PTPRO: variants seen among roughly 807,000 people sequenced by gnomAD.
PTPRO encodes receptor-type tyrosine-protein phosphatase O.
Under a neutral mutation model 145.2 loss-of-function variants are expected in PTPRO, and 62 were observed. The observed-to-expected ratio is 0.43, with a 90% CI of 0.35 to 0.53. The LOEUF (loss-of-function observed/expected upper bound fraction) is 0.53. PTPRO is among the 20% of genes least tolerant of loss of function. PTPRO has a pLI of 0.01. For synonymous variants in PTPRO, 565 were observed against 514.7 expected, an observed-to-expected ratio of 1.10 and a Z score of -1.32; for missense variants, 1,345 against 1,482.7, an observed-to-expected ratio of 0.91 and a Z score of 1.53.
chr12:15,558,641 A>G (rs1414870622), intron 16 of PTPRO, among the ~76,000 whole-genome samples: 1 of 152,220 alleles, frequency 6.6e-6, no homozygotes, highest in Non-Finnish European at 1.5e-5. Flanking sequence ...AAATGAATAT[A>G]TGTCATATTA....
chr12:15,479,503 C>T lies in PTPRO; in HGVS notation c.76-4471C>T, dbSNP rs1453252548. On this transcript the variant is annotated intron_variant, in intron 1 of 26. Coordinates refer to ENST00000281171, the MANE Select transcript of PTPRO (RefSeq NM_030667.3). ...TTTCATAGAGAGCCTCCCTCACCTC[C>T]ACTGGAGACACTAGGTTTCTTGATC... Among the ~76,000 whole-genome samples, 11 of 152,300 alleles carry T rather than the reference C, an allele frequency of 7.2e-5. No individual in the cohort carries two copies. The East Asian group carries it at 1.9e-3, about 27-fold the overall frequency.
chr12:15,499,528 A>T lies in PTPRO; in HGVS notation c.595A>T (p.Thr199Ser). ...CACCTTTCAGCTGGTATCTGAGGCA[A>T]CTTTTAATAAAAGTACCCTTGTTGA... The part of the protein sequence containing the change: ...NITFQLVSEA[T>S]FNKSTLVEYS... The change falls in exon 4 of 27, where the codon ACT becomes TCT. Residue 199 changes from threonine (T) to serine (S), a missense_variant. Transcript: ENST00000281171. 6.2e-7 allele frequency: 1 copy of T among 1,613,888 alleles called. No homozygotes were observed. Among genetic ancestry groups the T allele is most frequent in the Non-Finnish European group, 8.5e-7 (1 of 1,179,816 alleles).
chr12:15,346,458 C>A (rs137955840), intron 1 of PTPRO: 1 of 152,184 alleles, frequency 6.6e-6, no homozygotes, highest in Non-Finnish European at 1.5e-5. Context: ...CTCCCACATG[C>A]AGAGCTGCAA....
chr12:15,565,627 A>C lies in PTPRO; in HGVS notation c.2746A>C (p.Asn916His), dbSNP rs925014470. ...TGGTTTAAAGAAGAGGAAACTGACA[A>C]AGTAAGTTTTTCTTACTATGTCATT... ...KNGLKKRKLT[N>H]PVQLDDFDAY... The change falls in exon 18 of 27, where the codon AAC becomes CAC. Residue 916 changes from asparagine (N) to histidine (H), a missense_variant and splice_region_variant. Asn to His is a moderately conservative substitution (Grantham distance 68). Around this residue, in one of 3 missense-constraint regions of PTPRO, gnomAD observed 1,130 missense variants for 1,214.7 expected, o/e 0.93. Transcript: ENST00000281171. 6.9e-7 allele frequency: 1 copy of C among 1,447,898 alleles called. No individual in the cohort carries two copies. Among genetic ancestry groups the C allele is most frequent in the Admixed American group, 1.7e-5 (1 of 58,826 alleles). 89.7% of individuals were successfully genotyped at this position (1,447,898 alleles called of 1,614,324 possible).
chr12:15,397,536 A>C (rs184495436), intron 1 of PTPRO, among the ~76,000 whole-genome samples: 22 of 152,330 alleles, frequency 1.4e-4, no homozygotes, highest in African/African-American at 5.3e-4. Flanking sequence ...CACTTGCCTG[A>C]AATTGGATTT....
intron 6 of PTPRO, among the ~76,000 whole-genome samples, chr12:15,507,025 T>A (rs1371800955): frequency 6.6e-6 from 1 of 152,176 alleles, no homozygotes; most frequent in Non-Finnish European, 1.5e-5. Flanking sequence ...ACTTCCTGTG[T>A]GTGAATCCTA....
chr12:15,539,540 T>A (rs971701742), intron 12 of PTPRO, among the ~76,000 whole-genome samples: 1 of 151,800 alleles, frequency 6.6e-6, no homozygotes, highest in Non-Finnish European at 1.5e-5. Flanking sequence ...GGCGGGCAGA[T>A]CACTTGAGGC....
intron 1 of PTPRO, among the ~76,000 whole-genome samples, chr12:15,353,609 A>T (rs958226160): frequency 6.6e-6 from 1 of 152,182 alleles, no homozygotes; most frequent in Non-Finnish European, 1.5e-5. Flanking sequence ...TGTGGTGGAG[A>T]AGCATTGTCA....
At chr12:15,581,592 G>A in intron 22 of PTPRO, 87 bp from the exon 23 acceptor site, 3 of 1,479,920 alleles carry the variant, frequency 2.0e-6, no homozygotes, top group Non-Finnish European at 2.8e-6. Context: ...TTCTTTAGAG[G>A]CGAATACCTT....
At chr12:15,471,637 T>C (rs1941545044) in intron 1 of PTPRO, among the ~76,000 whole-genome samples, 1 of 152,198 alleles carries the variant, frequency 6.6e-6, no homozygotes, top group Non-Finnish European at 1.5e-5. Flanking sequence ...ATTGCTATTA[T>C]TATTGGTCAG....
At chr12:15,562,321 T>G (rs1051939357) in intron 17 of PTPRO, among the ~76,000 whole-genome samples, 3 of 152,148 alleles carry the variant, frequency 2.0e-5, no homozygotes, top group Admixed American at 6.6e-5. Flanking sequence ...TTTCATTGGC[T>G]AAAGAGTCAT....
intron 1 of PTPRO, among the ~76,000 whole-genome samples, chr12:15,409,301 T>G (rs1018419146): frequency 3.9e-5 from 6 of 152,172 alleles, no homozygotes; most frequent in South Asian, 2.1e-4. Flanking sequence ...CCAGTCTACA[T>G]AGACCATCAT....
intron 15 of PTPRO, among the ~76,000 whole-genome samples, chr12:15,557,145 A>G (rs890532943): frequency 5.3e-5 from 8 of 151,876 alleles, no homozygotes; most frequent in Non-Finnish European, 7.4e-5. Context: ...GGTTCAAGCA[A>G]TTATCTTGCC....
At chr12:15,395,610 T>C (rs917488966) in intron 1 of PTPRO, among the ~76,000 whole-genome samples, 7 of 152,266 alleles carry the variant, frequency 4.6e-5, no homozygotes, top group African/African-American at 1.4e-4. Context: ...TTTTATTTTC[T>C]TATTGCTGGT....
At chr12:15,326,468 A>G (rs1866450629) in intron 1 of PTPRO, among the ~76,000 whole-genome samples, 1 of 152,212 alleles carries the variant, frequency 6.6e-6, no homozygotes, top group Non-Finnish European at 1.5e-5. Context: ...CGTTGTGTGA[A>G]GGAATGAAAA....
chr12:15,516,970 A>C lies in PTPRO; in HGVS notation c.1779+14A>C, dbSNP rs781661487. The C allele has an allele frequency of 6.2e-7, 1 of 1,604,142 alleles. No homozygotes were observed. Among genetic ancestry groups the C allele is most frequent in the East Asian group, 2.2e-5 (1 of 44,834 alleles). On this transcript the variant is annotated intron_variant, in intron 9 of 26. Transcript: ENST00000281171. Reference sequence around the variant, plus strand: ...ACTGCATCCGTGGTAATCTTCCCTTAACCAACTGTCAGTCTTTCCTATGGG... The same window carrying C: ...ACTGCATCCGTGGTAATCTTCCCTTCACCAACTGTCAGTCTTTCCTATGGG...
chr12:15,437,830 C>T (rs567766799), intron 1 of PTPRO, among the ~76,000 whole-genome samples: 32 of 152,306 alleles, frequency 2.1e-4, no homozygotes, highest in Non-Finnish European at 2.6e-4. Flanking sequence ...TCACTTGATA[C>T]TGGTGCTTGT....
rs1187369022 is a variant in PTPRO, at chr12:15,516,899, A to G, written c.1722A>G (p.Thr574=). 6.2e-7 allele frequency: 1 copy of G among 1,613,814 alleles called. No homozygotes were observed. The highest frequency in any genetic ancestry group is 8.5e-7 in the Non-Finnish European group (1 of 1,179,820). Residue 574 remains threonine (T), a synonymous_variant, in exon 9 of 27, where the codon ACA becomes ACG. Coordinates refer to ENST00000281171, the MANE Select transcript of PTPRO (RefSeq NM_030667.3). ...TTTATTTCAACCCTGCTACAATGAC[A>G]TCAGAGTGGACCACCTACTATGAAA... The part of the protein sequence containing the change: ...EMFYFNPATM[T]SEWTTYYEIA...
chr12:15,499,813 T>C (rs1046004616), intron 4 of PTPRO, among the ~76,000 whole-genome samples: 4 of 152,194 alleles, frequency 2.6e-5, no homozygotes, highest in Non-Finnish European at 5.9e-5. Flanking sequence ...AGATTTCTAA[T>C]CTTTGAATAA....
Sources: gnomAD v4.1 joint callset for allele counts (sites outside exome capture counted in the v4.1 genomes callset) on GRCh38, gnomAD v4.1.1 for gene constraint, gnomAD v4.1.1 regional missense constraint, MANE v1.5 for transcripts, NCBI Gene and HGNC (gene_info 2026-07-23, HGNC 2026-07-21) for gene names.